Variants in LAMA5 observed in about 807,000 individuals in gnomAD.
The protein encoded by LAMA5 is laminin subunit alpha-5.
In LAMA5, 260 loss-of-function variants were observed where a neutral mutation model predicts 433.4. The observed-to-expected ratio is 0.60, with a 90% CI of 0.54 to 0.66. The LOEUF (loss-of-function observed/expected upper bound fraction) is 0.66. Ranked by LOEUF, LAMA5 falls within the 30% of genes least tolerant of loss-of-function variation. LAMA5 has a pLI of 0.00. For synonymous variants in LAMA5, 2,620 were observed against 2,226.6 expected (o/e 1.18, Z -4.97); for missense variants, 5,378 against 5,258.5 (o/e 1.02, Z -0.70).
chr20:62,347,081 G>A (rs1006044943), intron 6 of LAMA5, 53 bp from the exon 7 acceptor site: 8 of 1,428,320 alleles, frequency 5.6e-6, no homozygotes, highest in East Asian at 4.6e-5. Context: ...CAGGTGGCAG[G>A]TGCTCAGTCC....
chr20:62,320,905 G>A lies in LAMA5; in HGVS notation c.6497-15C>T. On this transcript the variant is annotated splice_polypyrimidine_tract_variant and intron_variant, in intron 48 of 79. Transcript: ENST00000252999. ...GTGGTCACACACTGCAGGCGATGTG[G>A]GGTCACAGGTCAGTGTCATTGGGTC... 1 of 1,600,568 alleles carries A rather than the reference G, an allele frequency of 6.2e-7. No homozygotes were observed. The highest frequency in any genetic ancestry group is 8.5e-7 in the Non-Finnish European group (1 of 1,172,698).
rs201676268 is a variant in LAMA5, at chr20:62,323,556, C to T, written c.5964G>A (p.Thr1988=). The stretch of plus-strand genomic sequence containing the variant: ...GGCGCAGGCAGCCACGGCAGGCGCC[C>T]GTCAGGGGGTCGCAGTCGCTGAAGA... ...NLLFSDCDPL[T]GACRGCLRHT... The change falls in exon 45 of 80, where the codon ACG becomes ACA. Residue 1988 remains threonine, a synonymous_variant. Transcript: ENST00000252999. 1.1e-4 allele frequency: 177 copies of T among 1,597,388 alleles called. No homozygotes were observed. In the African/African-American group the frequency reaches 1.7e-3, roughly 16 times the overall value.
intron 76 of LAMA5, 21 bp downstream of exon 76, chr20:62,310,398 G>A: frequency 1.3e-6 from 2 of 1,585,438 alleles, no homozygotes; most frequent in Non-Finnish European, 1.7e-6. Context: ...GCTGAGGCCT[G>A]GGATGCCAGC....
chr20:62,321,760 T>TCAGGGGAGGGGTGGGGC (rs1987837056), intron 48 of LAMA5, among the ~76,000 whole-genome samples: 1 of 27,814 alleles, frequency 3.6e-5, no homozygotes, highest in African/African-American at 8.4e-5. Flanking sequence ...AGGGGTGGGG[T>TCAGGGGAGGGGTGGGGC]CAGTGGGGGA....
chr20:62,321,128 G>A (rs1199230908), intron 48 of LAMA5, among the ~76,000 whole-genome samples: 3 of 149,140 alleles, frequency 2.0e-5, no homozygotes, highest in Admixed American at 6.7e-5. Flanking sequence ...GCCAGCACAA[G>A]GGGTTGGGGC....
chr20:62,321,612 A>G (rs1160318928), intron 48 of LAMA5, among the ~76,000 whole-genome samples: 11 of 75,756 alleles, frequency 1.5e-4, no homozygotes, highest in Non-Finnish European at 2.0e-4. Context: ...GGGGTCAGTG[A>G]AGGGGTGGGG....
Position 62,362,500 on chromosome 20 carries a change from G to A in LAMA5, c.350C>T (p.Ala117Val), listed in dbSNP as rs770543738. 56 of 1,604,802 alleles carry A rather than the reference G, an allele frequency of 3.5e-5. No individual in the cohort carries two copies. Among genetic ancestry groups the A allele is most frequent in the South Asian group, 6.7e-5 (6 of 90,168 alleles). ...TAANSNKAHP[A>V]SNAIDGTERW... Reference sequence around the variant, plus strand: ...CTCCGTGCCATCGATGGCATTGCTCGCGGGGTGTGCCTTGTTGCTGTTGGC... The same window carrying A: ...CTCCGTGCCATCGATGGCATTGCTCACGGGGTGTGCCTTGTTGCTGTTGGC... The change falls in exon 2 of 80, where the codon GCG becomes GTG. Residue 117 changes from alanine (A) to valine (V), a missense_variant. Ala to Val is a moderately conservative substitution (Grantham distance 64, BLOSUM62 0). Transcript: ENST00000252999.
rs368336111 is a variant in LAMA5, at chr20:62,312,597, C to T, written c.9227+35G>A. 152 of 1,600,116 alleles carry T rather than the reference C, an allele frequency of 9.5e-5. 4 individuals are homozygous for T. The East Asian group carries it at 2.0e-3, about 21-fold the overall frequency. On this transcript the variant is annotated intron_variant, in intron 67 of 79. Coordinates refer to ENST00000252999, the MANE Select transcript of LAMA5 (RefSeq NM_005560.6). ...AAGCCCAGCCTACCGCCCCAACAGC[C>T]TGGCCTCGGAGCCCCAGCTGCGCAC...
intron 58 of LAMA5, 149 bp downstream of exon 58, chr20:62,315,799 G>C: frequency 1.6e-6 from 1 of 641,818 alleles, no homozygotes; most frequent in Non-Finnish European, 2.7e-6. Context: ...GCACCTCCCT[G>C]GTAGGCTTTC....
intron 63 of LAMA5, 89 bp downstream of exon 63, chr20:62,313,560 G>T: frequency 1.3e-6 from 2 of 1,563,364 alleles, no homozygotes; most frequent in Non-Finnish European, 1.7e-6. Flanking sequence ...ACTGAGGCAA[G>T]ATACCAAAAG....
In LAMA5 at chr20:62,332,566, C is replaced by T. The variant is rs1454201284; in HGVS notation, c.3434G>A (p.Cys1145Tyr). ...ACCGGCTCCCACTCACCTGTACAGG[C>T]AGGGGTGCAGGGAGAGCAGCCCCTG... Reference protein sequence around the residue: ...PQQGLLSLHPCLYSTLCRGTA... With the variant: ...PQQGLLSLHPYLYSTLCRGTA... Residue 1145 changes from cysteine (C) to tyrosine (Y), a missense_variant, in exon 27 of 80, where the codon TGC becomes TAC. Cys to Tyr is a radical substitution (Grantham distance 194, BLOSUM62 -2). Coordinates refer to ENST00000252999, the MANE Select transcript of LAMA5 (RefSeq NM_005560.6). The T allele has an allele frequency of 1.9e-6, 3 of 1,594,312 alleles. No individual in the cohort carries two copies. The highest frequency in any genetic ancestry group is 4.5e-5 in the East Asian group (2 of 44,186).
At chr20:62,328,149 G>A (rs912310075) in intron 35 of LAMA5, 92 bp downstream of exon 35, 19 of 1,510,850 alleles carry the variant, frequency 1.3e-5, no homozygotes, top group East Asian at 7.2e-5. Flanking sequence ...GAGCACAAAT[G>A]GGAGCAGGGT....
chr20:62,363,795 C>T (rs537540710), intron 1 of LAMA5, among the ~76,000 whole-genome samples: 66 of 152,142 alleles, frequency 4.3e-4, no homozygotes, highest in Non-Finnish European at 8.2e-4. Flanking sequence ...CCAGGCCCAG[C>T]ACCTACAGAG....
In LAMA5 at chr20:62,353,363, C is replaced by A. The variant is rs1266571879; in HGVS notation, c.451-112G>T. On this transcript the variant is annotated intron_variant, in intron 2 of 79. Coordinates refer to ENST00000252999, the MANE Select transcript of LAMA5 (RefSeq NM_005560.6). ...GAGGCCACAGCAGGGGATGTGGCAC[C>A]CTCGCCGCACAGGGGGCACCTCTGG... The A allele has an allele frequency of 5.4e-6, 4 of 736,962 alleles. No individual in the cohort carries two copies. The Admixed American group carries it at 8.2e-5, about 15-fold the overall frequency. 45.7% of individuals were successfully genotyped at this position (736,962 alleles called of 1,614,324 possible).
Position 62,317,304 on chromosome 20 carries a change from C to G in LAMA5, c.7511+41G>C, listed in dbSNP as rs968140450. 4.5e-6 allele frequency: 7 copies of G among 1,547,938 alleles called. No individual in the cohort carries two copies. The Admixed American group carries it at 9.7e-5, about 21-fold the overall frequency. On this transcript the variant is annotated intron_variant, in intron 55 of 79. Coordinates refer to ENST00000252999, the MANE Select transcript of LAMA5 (RefSeq NM_005560.6). ...GCCCTCCCAAGGCCCTGTCTGCATC[C>G]CCAGGGTGGGCCCAGGGCCCCTCCT...
chr20:62,360,666 G>GTGGGTGGATGGGTGGGTGGAGGGATAGA, intron 2 of LAMA5, among the ~76,000 whole-genome samples: 2 of 144,012 alleles, frequency 1.4e-5, no homozygotes, highest in Admixed American at 6.9e-5. Context: ...GGATAGATGG[G>GTGGGTGGATGGGTGGGTGGAGGGATAGA]TGGGTGGGTG....
Position 62,315,073 on chromosome 20 carries a change from G to A in LAMA5, c.8002C>T (p.Arg2668Trp), listed in dbSNP as rs376890584. 1.6e-5 allele frequency: 26 copies of A among 1,601,522 alleles called. No individual in the cohort carries two copies. The highest frequency in any genetic ancestry group is 1.3e-4 in the East Asian group (6 of 44,838). ...ERWQGQYEGL[R>W]GQDLGQAVLD... ...ACTGCCTGGCCCAGGTCCTGGCCCC[G>A]CAGGCCCTCGTACTGGCCCTGCCAC... is the stretch of plus-strand genomic sequence containing the variant. Residue 2668 changes from arginine to tryptophan, a missense_variant, in exon 59 of 80, where the codon CGG (arginine) becomes TGG (tryptophan). Coordinates refer to ENST00000252999, the MANE Select transcript of LAMA5 (RefSeq NM_005560.6).
At chr20:62,317,161 C>T (rs918952325) in intron 55 of LAMA5, 138 bp from the exon 56 acceptor site, 9 of 1,205,690 alleles carry the variant, frequency 7.5e-6, no homozygotes, top group African/African-American at 3.1e-5. Context: ...CCGTGCCTGT[C>T]GCCTGCTGGG....
chr20:62,330,725 A>G lies in LAMA5; in HGVS notation c.3852+18T>C. On this transcript the variant is annotated intron_variant, in intron 30 of 79. Coordinates refer to ENST00000252999, the MANE Select transcript of LAMA5 (RefSeq NM_005560.6). ...CCTGCCCTGACACCCCCGTCCCTCT[A>G]GAGACTATGGCCCTCACCTGGGGCT... 1 of 1,556,664 alleles carries G rather than the reference A, an allele frequency of 6.4e-7. No homozygotes were observed. Among genetic ancestry groups the G allele is most frequent in the African/African-American group, 1.4e-5 (1 of 73,600 alleles).
Sources: gnomAD v4.1 joint callset for allele counts (sites outside exome capture counted in the v4.1 genomes callset) on GRCh38, gnomAD v4.1.1 for gene constraint, MANE v1.5 for transcripts, NCBI Gene and HGNC (gene_info 2026-07-23, HGNC 2026-07-21) for gene names.